The following MBTPS1 variants were observed in gnomAD, a reference collection of about 807,000 sequenced individuals.
MBTPS1 encodes membrane-bound transcription factor site-1 protease.
A neutral mutation model predicts 127.8 loss-of-function variants in MBTPS1; 94 were observed. That is an observed-to-expected ratio of 0.74 (90% CI 0.62 to 0.87). The LOEUF (loss-of-function observed/expected upper bound fraction) is 0.87. Among genes scored for constraint, MBTPS1 ranks in the 40% least tolerant of loss-of-function variants. The pLI is 0.00. For synonymous variants in MBTPS1, 632 were observed against 509.4 expected, an observed-to-expected ratio of 1.24 and a Z score of -3.24; for missense variants, 1,636 against 1,353.2, an observed-to-expected ratio of 1.21 and a Z score of -3.28.
intron 10 of MBTPS1, among the ~76,000 whole-genome samples, chr16:84,083,601 C>G (rs1445575765): frequency 6.6e-6 from 1 of 152,040 alleles, no homozygotes. Flanking sequence ...AAGTATCTAG[C>G]TTTATTAAGG....
rs775611652 is a variant in MBTPS1 at position 84,085,002 on chromosome 16, C to G, written c.1267G>C (p.Ala423Pro). 9 of 1,613,998 alleles carry G rather than the reference C, an allele frequency of 5.6e-6. No homozygotes were observed. The highest frequency in any genetic ancestry group is 1.3e-5 in the African/African-American group (1 of 74,908). The change falls in exon 10 of 23, where the codon GCT becomes CCT. Residue 423 changes from alanine (A) to proline (P), a missense_variant. Ala to Pro is a conservative substitution (Grantham distance 27). Transcript: ENST00000343411. ...TSVASPVVAG[A>P]VTLLVSTVQK... ...ACTCACCTCACTAACAAGGTGACAG[C>G]ACCTGCAACCACTGGAGAAGCAACA...
intron 21 of MBTPS1, 83 bp from the exon 22 acceptor site, chr16:84,056,218 C>A: frequency 8.8e-7 from 1 of 1,137,940 alleles, no homozygotes; most frequent in South Asian, 1.5e-5. Context: ...AACTGAAACT[C>A]AAGACAGAGC....
intron 1 of MBTPS1, among the ~76,000 whole-genome samples, chr16:84,113,405 T>C (rs73252627): frequency 0.026 from 4,004 of 152,334 alleles, 161 homozygotes; most frequent in African/African-American, 0.092. Context: ...AATACACGTA[T>C]AATTAAAAAT....
At chr16:84,084,742 C>G (rs2085994301) in intron 10 of MBTPS1, among the ~76,000 whole-genome samples, 1 of 152,180 alleles carries the variant, frequency 6.6e-6, no homozygotes, top group Non-Finnish European at 1.5e-5. Flanking sequence ...GGTTATTTTG[C>G]CTATCAGCAC....
At chr16:84,067,845 C>G (rs752258973) in intron 15 of MBTPS1, 22 bp from the exon 16 acceptor site, 3 of 1,595,142 alleles carry the variant, frequency 1.9e-6, no homozygotes, top group African/African-American at 1.3e-5. Flanking sequence ...AGAACCAAAG[C>G]TGGGAACTGT....
rs879154965 is a variant in MBTPS1, at chr16:84,054,372, G to A, written c.*77C>T. The A allele has an allele frequency of 7.7e-5, 103 of 1,343,542 alleles. 1 individual carries two copies. Among genetic ancestry groups the A allele is most frequent in the South Asian group, 1.2e-4 (8 of 67,646 alleles). The allele number at this position is 1,343,542 out of a possible 1,614,324, so 83.2% of individuals were successfully genotyped here. On this transcript the variant is annotated 3_prime_UTR_variant, in exon 23 of 23. Transcript: ENST00000343411. ...AAACTGGATCCCTTTTAAACCAGCC[G>A]CCACCACAGCTCGGCTCACCCACCA...
In MBTPS1 at chr16:84,082,265, A is replaced by T. The variant is rs371381845; in HGVS notation, c.1287-357T>A. 139 of 157,226 alleles carry T rather than the reference A, an allele frequency of 8.8e-4. 1 individual carries two copies. Among genetic ancestry groups the T allele is most frequent in the African/African-American group, 3.3e-3 (137 of 41,798 alleles). The allele number at this position is 157,226 out of a possible 1,614,324, so 9.7% of individuals were successfully genotyped here. A position where few individuals can be genotyped will look rare whatever the true frequency, so the allele number is the denominator to read the frequency against. Reference sequence around the variant, plus strand: ...CTGCTGGTCACAGGAAGAAGATGCCATGGGACACCGCCTGGCTGGGAGAAG... The same window carrying T: ...CTGCTGGTCACAGGAAGAAGATGCCTTGGGACACCGCCTGGCTGGGAGAAG... On this transcript the variant is annotated intron_variant, in intron 10 of 22. Coordinates refer to ENST00000343411, the MANE Select transcript of MBTPS1 (RefSeq NM_003791.4).
In MBTPS1 at chr16:84,055,114, C is replaced by G. The variant is rs3785010; in HGVS notation, c.2963-469G>C. ...GCAGTGCCCCGCCTCTGGGAAAGCC[C>G]TTCATGGAGGGGACGTGTGGCTGAA... On this transcript the variant is annotated intron_variant, in intron 22 of 22. Coordinates refer to ENST00000343411, the MANE Select transcript of MBTPS1 (RefSeq NM_003791.4). 7.9e-5 allele frequency among the ~76,000 whole-genome samples: 12 copies of G among 152,320 alleles called. No individual in the cohort carries two copies. In the East Asian group the frequency reaches 1.9e-3, roughly 24 times the overall value.
intron 10 of MBTPS1, among the ~76,000 whole-genome samples, chr16:84,083,944 C>A (rs1253989368): frequency 6.6e-6 from 1 of 152,140 alleles, no homozygotes. Context: ...CTGGTCTACT[C>A]GCTTGGAGAA....
intron 8 of MBTPS1, among the ~76,000 whole-genome samples, chr16:84,088,154 A>G (rs2086057199): frequency 6.6e-6 from 1 of 152,232 alleles, no homozygotes; most frequent in African/African-American, 2.4e-5. Context: ...ATTTGAAAAT[A>G]TGAGACACTC....
intron 4 of MBTPS1, among the ~76,000 whole-genome samples, chr16:84,094,944 G>A (rs1170613516): frequency 6.6e-6 from 1 of 152,198 alleles, no homozygotes; most frequent in Non-Finnish European, 1.5e-5. Flanking sequence ...CCTGGGAGCA[G>A]GTGAAACTGG....
intron 1 of MBTPS1, among the ~76,000 whole-genome samples, chr16:84,111,451 G>A (rs2086395227): frequency 6.6e-6 from 1 of 151,976 alleles, no homozygotes; most frequent in Non-Finnish European, 1.5e-5. Flanking sequence ...TGAGGCAGGA[G>A]AATCACTTGA....
Position 84,066,472 on chromosome 16 carries a change from AG to A in MBTPS1, c.2353+16del. 6.2e-7 allele frequency: 1 copy of A among 1,613,350 alleles called. No individual in the cohort carries two copies. Among genetic ancestry groups the A allele is most frequent in the Non-Finnish European group, 8.5e-7 (1 of 1,179,544 alleles). On this transcript the variant is annotated intron_variant, in intron 17 of 22. Transcript: ENST00000343411. Reference sequence around the variant, plus strand: ...CTCTCACACCTAAGACCACGCCCTCAGGAAACAGAGCCTTACTGTCATGGTT... The same window carrying A: ...CTCTCACACCTAAGACCACGCCCTCAGAAACAGAGCCTTACTGTCATGGTT...
intron 1 of MBTPS1, among the ~76,000 whole-genome samples, chr16:84,108,530 G>C (rs2086356263): frequency 6.6e-6 from 1 of 152,212 alleles, no homozygotes; most frequent in South Asian, 2.1e-4. Flanking sequence ...GCCTCCCAAA[G>C]TGCTGGGATT....
intron 5 of MBTPS1, among the ~76,000 whole-genome samples, 165 bp from the exon 6 acceptor site, chr16:84,093,462 C>G (rs957203628): frequency 6.6e-6 from 1 of 152,190 alleles, no homozygotes; most frequent in African/African-American, 2.4e-5. Flanking sequence ...GGCACAAGCA[C>G]CCCTTCCAGG....
chr16:84,088,975 A>G lies in MBTPS1; in HGVS notation c.1032-1515T>C, dbSNP rs1597334934. On this transcript the variant is annotated intron_variant, in intron 8 of 22. Transcript: ENST00000343411. ...CAAGGCTCTGCTCCTTCAACACACC[A>G]TAAACTCACAACTCTGGTAAGAAGC... Among the ~76,000 whole-genome samples, 4 of 152,360 alleles carry G rather than the reference A, an allele frequency of 2.6e-5. No homozygotes were observed. In the South Asian group the frequency reaches 8.3e-4, roughly 32 times the overall value.
intron 2 of MBTPS1, 115 bp downstream of exon 2, chr16:84,101,506 A>C (rs539866085): frequency 4.7e-5 from 46 of 978,418 alleles, no homozygotes; most frequent in Non-Finnish European, 6.3e-5. Flanking sequence ...AAAAAAAAAG[A>C]AAGAAATTTA....
intron 21 of MBTPS1, chr16:84,057,742 G>C (rs966689236): frequency 2.0e-5 from 3 of 152,208 alleles, no homozygotes; most frequent in African/African-American, 7.2e-5. Flanking sequence ...CAAGATAAAT[G>C]TAAAACCCAG....
At chr16:84,096,848 G>A (rs528586935) in intron 3 of MBTPS1, among the ~76,000 whole-genome samples, 15 of 152,330 alleles carry the variant, frequency 9.8e-5, no homozygotes, top group African/African-American at 3.6e-4. Context: ...TGACTGAAGA[G>A]CAACACTGAG....
Sources: allele counts gnomAD v4.1 joint callset (sites outside exome capture counted in the v4.1 genomes callset), GRCh38; gene constraint gnomAD v4.1.1; transcripts MANE v1.5; gene names NCBI Gene and HGNC (gene_info 2026-07-23, HGNC 2026-07-21).